The following STPG2 variants were observed in gnomAD, a reference collection of about 807,000 sequenced individuals.
STPG2 encodes sperm tail PG-rich repeat containing 2, also known as sperm-tail PG-rich repeat-containing protein 2.
A neutral mutation model predicts 54.2 loss-of-function variants in STPG2; 56 were observed. The ratio of observed to expected loss-of-function variants is 1.03; its 90% CI spans 0.83 to 1.29. The LOEUF (loss-of-function observed/expected upper bound fraction) is 1.29, where lower values mean the gene tolerates loss of function less well. Among genes scored for constraint, STPG2 ranks in the 50% most tolerant of loss-of-function variants. The pLI, the probability that STPG2 is intolerant of heterozygous loss-of-function variation, is 0.00. For missense variants in STPG2, 596 were observed against 544.9 expected (o/e 1.09, Z -0.93); for synonymous variants, 200 against 181.8 (o/e 1.10, Z -0.81).
intron 10 of STPG2, among the ~76,000 whole-genome samples, chr4:97,578,597 CT>C (rs199861080): frequency 0.035 from 4,857 of 138,600 alleles, 106 homozygotes; most frequent in African/African-American, 0.076. Context: ...CAAACCCACA[CT>C]TTTTTTTTTT....
chr4:97,794,261 T>C (rs1181144825), intron 9 of STPG2, among the ~76,000 whole-genome samples: 2 of 152,096 alleles, frequency 1.3e-5, no homozygotes, highest in African/African-American at 4.8e-5. Context: ...TTACATTTCC[T>C]CTAAATGCAA....
intron 10 of STPG2, among the ~76,000 whole-genome samples, chr4:97,578,102 C>CTTTT (rs10571752): frequency 8.6e-5 from 10 of 115,972 alleles, no homozygotes; most frequent in South Asian, 2.9e-4. Context: ...TTCTTTCTTT[C>CTTTT]TTTTTTTTTT....
At chr4:98,008,671 A>T (rs1350468049) in intron 5 of STPG2, among the ~76,000 whole-genome samples, 1 of 152,026 alleles carries the variant, frequency 6.6e-6, no homozygotes, top group Non-Finnish European at 1.5e-5. Context: ...AACAAGAAAA[A>T]AAAAAGACTC....
At chr4:97,536,857 G>A (rs183002692) in intron 4 of STPG2, among the ~76,000 whole-genome samples, 2 of 152,226 alleles carry the variant, frequency 1.3e-5, no homozygotes, top group Middle Eastern at 3.4e-3. Flanking sequence ...CTGCCCACCT[G>A]TAACACTGCT....
chr4:97,803,375 T>A (rs1019807841), intron 9 of STPG2, among the ~76,000 whole-genome samples: 1 of 152,144 alleles, frequency 6.6e-6, no homozygotes, highest in African/African-American at 2.4e-5. Context: ...TAAGGAAAAA[T>A]ACTAGGTTCT....
At chr4:97,967,111 T>G (rs999709912) in intron 7 of STPG2, among the ~76,000 whole-genome samples, 1 of 143,706 alleles carries the variant, frequency 7.0e-6, no homozygotes, top group Non-Finnish European at 1.5e-5. Context: ...ATTCAGGAGA[T>G]CCATCTCACA....
At chr4:97,674,960 T>C (rs1722796930) in intron 10 of STPG2, among the ~76,000 whole-genome samples, 1 of 152,190 alleles carries the variant, frequency 6.6e-6, no homozygotes, top group Non-Finnish European at 1.5e-5. Flanking sequence ...GCAATCTCTT[T>C]TGACCTCAAA....
At chr4:97,822,090 C>T (rs1728112464) in intron 9 of STPG2, among the ~76,000 whole-genome samples, 1 of 152,292 alleles carries the variant, frequency 6.6e-6, no homozygotes, top group South Asian at 2.1e-4. Context: ...GCTCAGCTTC[C>T]CCTTTAAATG....
intron 8 of STPG2, among the ~76,000 whole-genome samples, chr4:97,920,715 GAC>G (rs1465975894): frequency 1.3e-5 from 2 of 152,126 alleles, no homozygotes; most frequent in Admixed American, 6.5e-5. Flanking sequence ...AGGAAACATA[GAC>G]AGGACCATAG....
intron 5 of STPG2, among the ~76,000 whole-genome samples, chr4:98,103,459 T>C (rs1360443225): frequency 1.3e-5 from 2 of 151,838 alleles, no homozygotes; most frequent in East Asian, 3.9e-4. Context: ...CTGACCAACA[T>C]AGAGAAACCC....
intron 2 of STPG2, among the ~76,000 whole-genome samples, chr4:98,128,977 G>A (rs890737866): frequency 1.3e-5 from 2 of 152,046 alleles, no homozygotes; most frequent in Admixed American, 6.6e-5. Flanking sequence ...CAAATGATCT[G>A]CCAGCCTCGG....
chr4:98,000,521 G>T (rs1735381086), intron 5 of STPG2, among the ~76,000 whole-genome samples: 1 of 152,052 alleles, frequency 6.6e-6, no homozygotes, highest in Non-Finnish European at 1.5e-5. Context: ...TGAAACTGTA[G>T]AAAAGAACAT....
chr4:97,449,275 T>C (rs1729307172), intron 4 of STPG2, among the ~76,000 whole-genome samples: 1 of 152,178 alleles, frequency 6.6e-6, no homozygotes, highest in African/African-American at 2.4e-5. Context: ...TTGCTTCCAA[T>C]GAAAGCAGAT....
At chr4:97,706,222 A>T (rs1034870677) in intron 10 of STPG2, among the ~76,000 whole-genome samples, 5 of 152,182 alleles carry the variant, frequency 3.3e-5, no homozygotes, top group African/African-American at 4.8e-5. Flanking sequence ...AGACACATAT[A>T]CTCAGCACCC....
intron 5 of STPG2, among the ~76,000 whole-genome samples, chr4:98,080,973 C>T (rs1738325559): frequency 6.6e-6 from 1 of 152,190 alleles, no homozygotes; most frequent in African/African-American, 2.4e-5. Context: ...CTTTCCCCTC[C>T]ATCCTTATCT....
intron 8 of STPG2, among the ~76,000 whole-genome samples, chr4:97,865,008 A>T (rs374858458): frequency 5.3e-5 from 8 of 152,146 alleles, no homozygotes; most frequent in Non-Finnish European, 1.0e-4. Context: ...AACCTAGGCA[A>T]TACCATTCAG....
Position 97,742,555 on chromosome 4 carries a change from G to GTA in STPG2, c.1205-29742_1205-29741insTA, listed in dbSNP as rs1452135506. ...TGTGTGTGTGTGTGTGTGTGTGTGT[G>GTA]TGTGTGTGTGTCTATATATATATGG... On this transcript the variant is annotated intron_variant, in intron 9 of 10. Transcript: ENST00000295268. Among the ~76,000 whole-genome samples, 227 of 80,540 alleles carry GTA rather than the reference G, an allele frequency of 2.8e-3. 3 individuals are homozygous for GTA. Among genetic ancestry groups the GTA allele is most frequent in the Middle Eastern group, 7.0e-3 (1 of 142 alleles). The allele number at this position is 80,540 out of a possible 152,430, so 52.8% of individuals were successfully genotyped here.
At chr4:97,541,836 T>C (rs1288758032) in intron 4 of STPG2, among the ~76,000 whole-genome samples, 2 of 152,212 alleles carry the variant, frequency 1.3e-5, no homozygotes, top group Non-Finnish European at 2.9e-5. Flanking sequence ...AACCTTCTGA[T>C]CTTTGACAAA....
chr4:97,517,022 C>T (rs1731089547), intron 4 of STPG2, among the ~76,000 whole-genome samples: 1 of 151,872 alleles, frequency 6.6e-6, no homozygotes, highest in South Asian at 2.1e-4. Flanking sequence ...ATTTTCCTGC[C>T]TCAGCCTCCT....
Sources: allele counts gnomAD v4.1 joint callset (sites outside exome capture counted in the v4.1 genomes callset), GRCh38; gene constraint gnomAD v4.1.1; transcripts MANE v1.5; gene names NCBI Gene and HGNC (gene_info 2026-07-23, HGNC 2026-07-21).